Variants in UNC13A observed in about 807,000 individuals in gnomAD.
UNC13A encodes the protein unc-13 homolog A, also known as protein unc-13 homolog A.
UNC13A carries 61 observed loss-of-function variants against 219.7 expected under a neutral mutation model. The ratio of observed to expected loss-of-function variants is 0.28; its 90% confidence interval spans 0.23 to 0.34. The LOEUF (loss-of-function observed/expected upper bound fraction) is 0.34. Ranked by LOEUF, UNC13A falls within the 10% of genes least tolerant of loss-of-function variation. The pLI is 1.00. For missense variants in UNC13A, 1,476 were observed against 2,270.3 expected, an observed-to-expected ratio of 0.65 and a Z score of 7.11; for synonymous variants, 920 against 884.6, an observed-to-expected ratio of 1.04 and a Z score of -0.71.
In UNC13A at chr19:17,602,213, CTTCT is replaced by C. The variant is rs2076472064; in HGVS notation, c.*3837_*3840del. 1.3e-5 allele frequency: 2 copies of C among 152,626 alleles called. No individual in the cohort carries two copies. The highest frequency in any genetic ancestry group is 1.3e-4 in the Admixed American group (2 of 15,260). The allele number at this position is 152,626 out of a possible 1,614,324, so 9.5% of individuals were successfully genotyped here. On this transcript the variant is annotated 3_prime_UTR_variant, in exon 44 of 44. Coordinates refer to ENST00000519716, the MANE Select transcript of UNC13A (RefSeq NM_001080421.3). ...ACAGACTGGTAAGAGTGAACAGATC[CTTCT>C]TTCTTCAGGACACCCTCTTTACTTC...
At chr19:17,672,547 G>T in intron 3 of UNC13A, 52 bp from the exon 4 acceptor site, 1 of 1,477,874 alleles carries the variant, frequency 6.8e-7, no homozygotes, top group Non-Finnish European at 9.3e-7. Context: ...GGAAACGGGG[G>T]CCCAGGGAGT....
In UNC13A at chr19:17,641,554, G is replaced by T. The variant is rs373333847; in HGVS notation, c.2475C>A (p.Asn825Lys). The change falls in exon 21 of 44, where the codon AAC (asparagine) becomes AAA (lysine). Residue 825 changes from asparagine to lysine, a missense_variant and splice_region_variant. Coordinates refer to ENST00000519716, the MANE Select transcript of UNC13A (RefSeq NM_001080421.3). ...YHVQYTCLHE[N>K]LFHFVTDVQN... ...GCACGTCGGTCACGAAGTGGAACAG[G>T]TTCTGCCACCATGGGAGAGAAAGTG... is the stretch of plus-strand genomic sequence containing the variant. 8.1e-6 allele frequency: 13 copies of T among 1,613,816 alleles called. No homozygotes were observed. The highest frequency in any genetic ancestry group is 1.1e-5 in the Non-Finnish European group (13 of 1,179,860).
At chr19:17,608,707 G>A (rs1042190241) in intron 43 of UNC13A, among the ~76,000 whole-genome samples, 6 of 151,126 alleles carry the variant, frequency 4.0e-5, no homozygotes, top group Non-Finnish European at 7.4e-5. Context: ...TAGTAGAGAC[G>A]GGGTTTCACC....
At chr19:17,647,591 C>T in intron 16 of UNC13A, 99 bp from the exon 17 acceptor site, 2 of 1,183,874 alleles carry the variant, frequency 1.7e-6, no homozygotes, top group Non-Finnish European at 2.4e-6. Context: ...CGGGGGGACT[C>T]AGGTGTCACC....
chr19:17,618,799 A>T, intron 39 of UNC13A, 107 bp downstream of exon 39: 1 of 1,058,500 alleles, frequency 9.4e-7, no homozygotes, highest in Non-Finnish European at 1.5e-6. Context: ...TTGAGCCTGT[A>T]ATGCATGTCA....
In UNC13A at chr19:17,688,233, G is replaced by C; in HGVS notation, c.-34C>G. ...GCTCGCAGGTGGGCCGGAGGCGGCC[G>C]GGCCGGCTCTGTCGGGTCGGGCTCA... On this transcript the variant is annotated 5_prime_UTR_variant, in exon 1 of 44. Coordinates refer to ENST00000519716, the MANE Select transcript of UNC13A (RefSeq NM_001080421.3). 1 of 1,482,552 alleles carries C rather than the reference G, an allele frequency of 6.7e-7. No individual in the cohort carries two copies. The highest frequency in any genetic ancestry group is 9.0e-7 in the Non-Finnish European group (1 of 1,116,954). 91.8% of individuals were successfully genotyped at this position (1,482,552 alleles called of 1,614,324 possible).
chr19:17,683,528 C>T (rs547793547), intron 1 of UNC13A, among the ~76,000 whole-genome samples: 2 of 151,574 alleles, frequency 1.3e-5, no homozygotes, highest in Non-Finnish European at 2.9e-5. Context: ...TGTGGTAGCA[C>T]GTGCCTGTAA....
At position 17,617,687 on chromosome 19, in the gene UNC13A, TCTGGGTACCCTTACC is replaced by T; in HGVS notation, c.4558_4558+14del. The stretch of plus-strand genomic sequence containing the variant: ...CGCGGAGCGGGAAAGGGTGATGCGG[TCTGGGTACCCTTACC>T]CTGGGCCGATTGCGTCTGTACAAAG... On this transcript the variant is annotated splice_donor_variant and splice_donor_5th_base_variant and coding_sequence_variant and intron_variant, in exon 41 of 44. Transcript: ENST00000519716. LOFTEE classifies it high-confidence loss of function. 6.2e-7 allele frequency: 1 copy of T among 1,610,946 alleles called. No homozygotes were observed. The highest frequency in any genetic ancestry group is 8.5e-7 in the Non-Finnish European group (1 of 1,177,358).
Position 17,636,139 on chromosome 19 carries a change from G to A in UNC13A, c.3100C>T (p.Leu1034Phe). The change falls in exon 26 of 44, where the codon CTC becomes TTC. Residue 1034 changes from leucine to phenylalanine, a missense_variant. Leu to Phe is a conservative substitution (Grantham distance 22). Coordinates refer to ENST00000519716, the MANE Select transcript of UNC13A (RefSeq NM_001080421.3). The part of the protein sequence containing the change: ...QTDPAKKGEV[L>F]PEEQGPSIKN... Reference sequence around the variant, plus strand: ...ATGCTGGGCCCCTGTTCCTCTGGGAGAACTTCCCCCTTCTTGGCCTGAAAT... The same window carrying A: ...ATGCTGGGCCCCTGTTCCTCTGGGAAAACTTCCCCCTTCTTGGCCTGAAAT... 5 of 1,599,314 alleles carry A rather than the reference G, an allele frequency of 3.1e-6. No homozygotes were observed. Among genetic ancestry groups the A allele is most frequent in the Non-Finnish European group, 3.4e-6 (4 of 1,172,420 alleles).
rs1447379102 is a variant in UNC13A at position 17,606,358 on chromosome 19, C to T, written c.4812-4G>A. 1 of 1,542,472 alleles carries T rather than the reference C, an allele frequency of 6.5e-7. No individual in the cohort carries two copies. The highest frequency in any genetic ancestry group is 1.4e-5 in the African/African-American group (1 of 72,950). On this transcript the variant is annotated splice_region_variant and splice_polypyrimidine_tract_variant and intron_variant, in intron 43 of 43. Transcript: ENST00000519716. ...ACCCGCGTCGGCGCTCAGCGTGCTG[C>T]GTGGGGAGGGGCGGAACGTGAGACA... is the stretch of plus-strand genomic sequence containing the variant.
rs1436955112 is a variant in UNC13A at position 17,621,826 on chromosome 19, CA to C, written c.4242+5del. ...CAGGGCCTCAGTGAGACGAGGCCCT[CA>C]TTACCTTTTCTAATCCCTTGCCATG... On this transcript the variant is annotated splice_donor_5th_base_variant and intron_variant, in intron 37 of 43. Coordinates refer to ENST00000519716, the MANE Select transcript of UNC13A (RefSeq NM_001080421.3). The C allele has an allele frequency of 6.2e-7, 1 of 1,613,878 alleles. No homozygotes were observed. The highest frequency in any genetic ancestry group is 1.3e-5 in the African/African-American group (1 of 74,932).
At chr19:17,630,104 G>A (rs1390761033) in intron 30 of UNC13A, 41 bp downstream of exon 30, 1 of 1,546,910 alleles carries the variant, frequency 6.5e-7, no homozygotes, top group African/African-American at 1.4e-5. Context: ...CCCTAACCCT[G>A]ACCCTGTCCC....
intron 40 of UNC13A, 133 bp downstream of exon 40, chr19:17,618,288 C>T (rs753471311): frequency 1.3e-5 from 13 of 1,001,528 alleles, no homozygotes; most frequent in Non-Finnish European, 1.9e-5. Flanking sequence ...AGCTCTGGCA[C>T]AGACAGGGGA....
Position 17,649,200 on chromosome 19 carries a change from G to A in UNC13A, c.1524+139C>T, listed in dbSNP as rs2079298915. 5.1e-6 allele frequency: 7 copies of A among 1,381,834 alleles called. No homozygotes were observed. The highest frequency in any genetic ancestry group is 5.0e-5 in the South Asian group (4 of 80,058). 85.6% of individuals were successfully genotyped at this position (1,381,834 alleles called of 1,614,324 possible). A position where few individuals can be genotyped will look rare whatever the true frequency, so the allele number is the denominator to read the frequency against. On this transcript the variant is annotated intron_variant, in intron 14 of 43. Transcript: ENST00000519716. The surrounding 1 kb of genome is among the most constrained non-coding windows in gnomAD (Gnocchi z 4.4). ...GGGACCCTGGAAAGTGAGCAGCCCC[G>A]CACCCCTGACTCACAGCATCCAACA...
chr19:17,648,934 C>T lies in UNC13A; in HGVS notation c.1574G>A (p.Ser525Asn). ...CACCAGCTCCTCGTTGTTCAACGTG[C>T]TGGAGGCCAAGGCCGAGGTGATGCC... ...KAGITSALAS[S>N]TLNNEELKNH... Residue 525 changes from serine (S) to asparagine (N), a missense_variant, in exon 15 of 44, where the codon AGC becomes AAC. Around this residue, in one of 14 missense-constraint regions of UNC13A, gnomAD observed 85 missense variants for 211.5 expected, o/e 0.40. Transcript: ENST00000519716. The T allele has an allele frequency of 6.2e-7, 1 of 1,603,820 alleles. No individual in the cohort carries two copies. The highest frequency in any genetic ancestry group is 1.3e-5 in the African/African-American group (1 of 74,920).
In UNC13A at chr19:17,674,884, C is replaced by T. The variant is rs2145914752; in HGVS notation, c.53-128G>A. ...GCCACTCACCCCCTAACCCACAACC[C>T]CACCCTCAGGGCACAAGGGAGGGGC... On this transcript the variant is annotated intron_variant, in intron 2 of 43. Transcript: ENST00000519716. This position sits in a 1 kb window ranked among gnomAD's most constrained non-coding sequence, Gnocchi z 5.0. 4 of 726,420 alleles carry T rather than the reference C, an allele frequency of 5.5e-6. No individual in the cohort carries two copies. In the East Asian group the frequency reaches 1.1e-4, roughly 20 times the overall value. 45.0% of individuals were successfully genotyped at this position (726,420 alleles called of 1,614,324 possible). A position where few individuals can be genotyped will look rare whatever the true frequency, so the allele number is the denominator to read the frequency against.
intron 33 of UNC13A, 31 bp from the exon 34 acceptor site, chr19:17,626,816 A>G: frequency 1.3e-6 from 2 of 1,592,350 alleles, no homozygotes; most frequent in Non-Finnish European, 1.7e-6. Flanking sequence ...GGCTCAGACC[A>G]CAGGAAGGGC....
At position 17,626,649 on chromosome 19, in the gene UNC13A, C is replaced by T; in HGVS notation, c.4057G>A (p.Asp1353Asn). Reference sequence around the variant, plus strand: ...CCAGCTCACTTGCTGTCCAGCAGGTCCATGATGGGCTGCAACACATTGTCC... The same window carrying T: ...CCAGCTCACTTGCTGTCCAGCAGGTTCATGATGGGCTGCAACACATTGTCC... The part of the protein sequence containing the change: ...DADNVLQPIM[D>N]LLDSNLTLFA... The change falls in exon 34 of 44, where the codon GAC (aspartate) becomes AAC (asparagine). Residue 1353 changes from aspartate (D) to asparagine (N), a missense_variant. Around this residue, in one of 14 missense-constraint regions of UNC13A, gnomAD observed 218 missense variants for 409.4 expected, o/e 0.53. Transcript: ENST00000519716. 6.4e-7 allele frequency: 1 copy of T among 1,557,348 alleles called. No individual in the cohort carries two copies. Among genetic ancestry groups the T allele is most frequent in the Non-Finnish European group, 8.7e-7 (1 of 1,150,668 alleles).
Position 17,619,062 on chromosome 19 carries a change from G to C in UNC13A, c.4273-100C>G, listed in dbSNP as rs1023891377. 2.7e-6 allele frequency: 3 copies of C among 1,108,996 alleles called. No individual in the cohort carries two copies. The East Asian group carries it at 7.1e-5, about 26-fold the overall frequency. The allele number at this position is 1,108,996 out of a possible 1,614,324, so 68.7% of individuals were successfully genotyped here. On this transcript the variant is annotated intron_variant, in intron 38 of 43. Coordinates refer to ENST00000519716, the MANE Select transcript of UNC13A (RefSeq NM_001080421.3). ...GTTCTTGCCCAAAGGCTCTGGGCAG[G>C]GCAATAATTGTGTCCCAGGGACAGA...
Sources: allele counts gnomAD v4.1 joint callset (sites outside exome capture counted in the v4.1 genomes callset), GRCh38; gene constraint gnomAD v4.1.1; regional missense constraint gnomAD v4.1.1; non-coding constraint Gnocchi (gnomAD v3.1); transcripts MANE v1.5; gene names NCBI Gene and HGNC (gene_info 2026-07-23, HGNC 2026-07-21).